The following AARS2 variants were observed in gnomAD, a reference collection of about 807,000 sequenced individuals.
The protein encoded by AARS2 is alanyl-tRNA synthetase 2, mitochondrial.
In AARS2, 78 loss-of-function variants were observed where a neutral mutation model predicts 119.7. That is an observed-to-expected ratio of 0.65 (90% confidence interval 0.54 to 0.79). AARS2 has a LOEUF of 0.79. Ranked by LOEUF, AARS2 falls within the 30% of genes least tolerant of loss-of-function variation. The pLI is 0.00. For missense variants in AARS2, 1,157 were observed against 1,291.3 expected (o/e 0.90, Z 1.59); for synonymous variants, 502 against 526.3 (o/e 0.95, Z 0.63).
In AARS2 at chr6:44,307,775, G is replaced by A; in HGVS notation, c.895-381C>T. On this transcript the variant is annotated intron_variant, in intron 5 of 21. Coordinates refer to ENST00000244571, the MANE Select transcript of AARS2 (RefSeq NM_020745.4). This position sits in a 1 kb window ranked among gnomAD's most constrained non-coding sequence, Gnocchi z 4.4. ...GACACAAGGCTACCCAGCTCTCAAG[G>A]AGCAGATCTGAGATCTCAGCCGGGC... 3.4e-6 allele frequency: 1 copy of A among 296,938 alleles called. No individual in the cohort carries two copies. Among genetic ancestry groups the A allele is most frequent in the Non-Finnish European group, 6.6e-6 (1 of 151,498 alleles). 18.4% of individuals were successfully genotyped at this position (296,938 alleles called of 1,614,324 possible). A position where few individuals can be genotyped will look rare whatever the true frequency, so the allele number is the denominator to read the frequency against.
At chr6:44,312,480 G>A (rs377537441) in intron 1 of AARS2, among the ~76,000 whole-genome samples, 9 of 152,252 alleles carry the variant, frequency 5.9e-5, no homozygotes, top group African/African-American at 1.7e-4. Flanking sequence ...ATCATGAACC[G>A]GAGACCCTCT....
chr6:44,308,251 C>G (rs146049631), intron 5 of AARS2, among the ~76,000 whole-genome samples: 1 of 152,132 alleles, frequency 6.6e-6, no homozygotes. Context: ...TAAAAGTGTA[C>G]ATCAGGCTGG....
rs1785165398 is a variant in AARS2 at position 44,299,231 on chromosome 6, G to GACCT, written c.*1312_*1315dup. Among the ~76,000 whole-genome samples, 1 of 149,014 alleles carries GACCT rather than the reference G, an allele frequency of 6.7e-6. No homozygotes were observed. Among genetic ancestry groups the GACCT allele is most frequent in the African/African-American group, 2.5e-5 (1 of 40,616 alleles). On this transcript the variant is annotated 3_prime_UTR_variant, in exon 22 of 22. Coordinates refer to ENST00000244571, the MANE Select transcript of AARS2 (RefSeq NM_020745.4). Reference sequence around the variant, plus strand: ...ATCCCCATTCTCTATTTCCCCCCCAGACCTCATCACCATCTGACACTTTCT... The same window carrying GACCT: ...ATCCCCATTCTCTATTTCCCCCCCAGACCTACCTCATCACCATCTGACACTTTCT...
chr6:44,306,517 C>T lies in AARS2; in HGVS notation c.1165G>A (p.Glu389Lys). ...VVETLGDAYP[E>K]LQRNSAQIAN... ...ACCTGGGCTGAGTTCCTTTGCAGTT[C>T]TGGATAAGCATCTCCCTGGGGGAGG... The change falls in exon 8 of 22, where the codon GAA becomes AAA. Residue 389 changes from glutamate to lysine, a missense_variant. Transcript: ENST00000244571. 6.2e-7 allele frequency: 1 copy of T among 1,614,148 alleles called. No homozygotes were observed.
chr6:44,303,432 G>T lies in AARS2; in HGVS notation c.2008-9C>A, dbSNP rs566987521. On this transcript the variant is annotated splice_polypyrimidine_tract_variant and intron_variant, in intron 14 of 21. Coordinates refer to ENST00000244571, the MANE Select transcript of AARS2 (RefSeq NM_020745.4). ...TCTGGGGTCAATGGGGTCTGGAGGGGTGGGGAGGAAATGGAAAGACCAACA... is the reference window on the plus strand; with the variant it reads ...TCTGGGGTCAATGGGGTCTGGAGGGTTGGGGAGGAAATGGAAAGACCAACA... 14 of 1,613,812 alleles carry T rather than the reference G, an allele frequency of 8.7e-6. No individual in the cohort carries two copies. In the South Asian group the frequency reaches 1.2e-4, roughly 14 times the overall value.
At position 44,302,148 on chromosome 6, in the gene AARS2, G is replaced by A. The variant is rs1583049805; in HGVS notation, c.2510C>T (p.Pro837Leu). 1.2e-6 allele frequency: 2 copies of A among 1,614,038 alleles called. No homozygotes were observed. Among genetic ancestry groups the A allele is most frequent in the Non-Finnish European group, 8.5e-7 (1 of 1,180,042 alleles). The change falls in exon 19 of 22, where the codon CCC becomes CTC. Residue 837 changes from proline to leucine, a missense_variant. By Grantham distance (98) the Pro-to-Leu change is moderately conservative. Transcript: ENST00000244571. ...CAGCAGCTCCCGCCGCTGCCACTGGGGCATCACAGCAGTTTCCACAGCCTA... is the reference window on the plus strand; with the variant it reads ...CAGCAGCTCCCGCCGCTGCCACTGGAGCATCACAGCAGTTTCCACAGCCTA... ...LIEAVETAVMPQWQRRELLAT... is the reference protein window; with the variant it reads ...LIEAVETAVMLQWQRRELLAT...
In AARS2 at chr6:44,312,099, A is replaced by C; in HGVS notation, c.408T>G (p.Asn136Lys). Residue 136 changes from asparagine to lysine, a missense_variant, in exon 2 of 22, where the codon AAT (asparagine) becomes AAG (lysine). By Grantham distance (94) the Asn-to-Lys change is moderately conservative (BLOSUM62 0). Transcript: ENST00000244571. ...SHHTFFEMLG[N>K]WAFGGEYFKE... ...TAAAATATTCACCCCCAAAGGCCCAATTGCCAAGCATTTCAAAGAAGGTAT... is the reference window on the plus strand; with the variant it reads ...TAAAATATTCACCCCCAAAGGCCCACTTGCCAAGCATTTCAAAGAAGGTAT... The C allele has an allele frequency of 1.2e-6, 2 of 1,614,206 alleles. No homozygotes were observed. The highest frequency in any genetic ancestry group is 1.7e-6 in the Non-Finnish European group (2 of 1,180,042).
At chr6:44,313,017 G>T in intron 1 of AARS2, 64 bp downstream of exon 1, 3 of 1,602,860 alleles carry the variant, frequency 1.9e-6, no homozygotes, top group Non-Finnish European at 2.5e-6. Flanking sequence ...GCCCAATCCT[G>T]CAGCGTCTTT....
intron 14 of AARS2, 119 bp from the exon 15 acceptor site, chr6:44,303,542 AG>A: frequency 4.1e-6 from 6 of 1,462,042 alleles, no homozygotes; most frequent in Non-Finnish European, 5.7e-6. Context: ...AATAGTGGCT[AG>A]CACATAATAG....
At chr6:44,302,736 A>G in intron 17 of AARS2, 66 bp downstream of exon 17, 1 of 1,525,838 alleles carries the variant, frequency 6.6e-7, no homozygotes, top group Non-Finnish European at 9.0e-7. Context: ...GAGCCTGAGC[A>G]TGTCACCTGC....
chr6:44,312,008 A>G, intron 2 of AARS2, 64 bp downstream of exon 2: 2 of 1,581,538 alleles, frequency 1.3e-6, no homozygotes, highest in Non-Finnish European at 1.7e-6. Context: ...CTAAGCAGAC[A>G]GTACAATGGA....
Position 44,306,345 on chromosome 6 carries a change from AG to A in AARS2, c.1234del (p.Leu412TrpfsTer12), listed in dbSNP as rs1203569583. The A allele has an allele frequency of 6.2e-7, 1 of 1,614,176 alleles. No homozygotes were observed. The highest frequency in any genetic ancestry group is 8.5e-7 in the Non-Finnish European group (1 of 1,180,012). ...ATCAATGATCCGCCTACCCCGCTCC[AG>A]GGAGGCCAGGAAGGCTGCCTCGTCC... is the stretch of plus-strand genomic sequence containing the variant. ...SEDEAAFLAS[L>X]ERGRRIIDRT... On this transcript the variant is annotated frameshift_variant, in exon 9 of 22. Coordinates refer to ENST00000244571, the MANE Select transcript of AARS2 (RefSeq NM_020745.4). LOFTEE classifies it high-confidence loss of function.
Position 44,300,603 on chromosome 6 carries a change from T to G in AARS2, c.2902A>C (p.Thr968Pro), listed in dbSNP as rs1429472642. 6.2e-7 allele frequency: 1 copy of G among 1,613,948 alleles called. No homozygotes were observed. The highest frequency in any genetic ancestry group is 2.2e-5 in the East Asian group (1 of 44,898). ...ATACTGAGGGCAGCTTCCAGGTCAGTAGTGCTTCCGGTGCCTTGGGCCACC... is the reference window on the plus strand; with the variant it reads ...ATACTGAGGGCAGCTTCCAGGTCAGGAGTGCTTCCGGTGCCTTGGGCCACC... Reference protein sequence around the residue: ...RVVAQGTGSTTDLEAALSIAQ... With the variant: ...RVVAQGTGSTPDLEAALSIAQ... The change falls in exon 22 of 22, where the codon ACT (threonine) becomes CCT (proline). Residue 968 changes from threonine (T) to proline (P), a missense_variant. By Grantham distance (38) the Thr-to-Pro change is conservative. Transcript: ENST00000244571.
Position 44,312,943 on chromosome 6 carries a change from C to G in AARS2, c.243+138G>C, listed in dbSNP as rs998779734. The G allele has an allele frequency of 1.2e-4, 158 of 1,372,714 alleles. 5 individuals carry two copies. In the South Asian group the frequency reaches 1.9e-3, roughly 17 times the overall value. The allele number at this position is 1,372,714 out of a possible 1,614,324, so 85.0% of individuals were successfully genotyped here. A position where few individuals can be genotyped will look rare whatever the true frequency, so the allele number is the denominator to read the frequency against. On this transcript the variant is annotated intron_variant, in intron 1 of 21. Transcript: ENST00000244571. ...TACTCTGAGCGCCGTACCCCCATCACTTTACCCAACCAAGCACCGCCCTCT... is the reference window on the plus strand; with the variant it reads ...TACTCTGAGCGCCGTACCCCCATCAGTTTACCCAACCAAGCACCGCCCTCT...
chr6:44,310,922 A>T, intron 4 of AARS2, 72 bp downstream of exon 4: 1 of 1,595,168 alleles, frequency 6.3e-7, no homozygotes. Flanking sequence ...TATGAAACAG[A>T]TCAAAGTCTT....
chr6:44,300,623 G>A lies in AARS2; in HGVS notation c.2882C>T (p.Ala961Val), dbSNP rs960553899. ...GGKAWGSRVVAQGTGSTTDLE... is the reference protein window; with the variant it reads ...GGKAWGSRVVVQGTGSTTDLE... ...GTCAGTAGTGCTTCCGGTGCCTTGG[G>A]CCACCACTCGTGAGCCCCACGCCTT... is the stretch of plus-strand genomic sequence containing the variant. Residue 961 changes from alanine to valine, a missense_variant, in exon 22 of 22, where the codon GCC becomes GTC. Ala to Val is a moderately conservative substitution (Grantham distance 64, BLOSUM62 0). Transcript: ENST00000244571. 18 of 1,613,834 alleles carry A rather than the reference G, an allele frequency of 1.1e-5. No homozygotes were observed. The highest frequency in any genetic ancestry group is 1.7e-5 in the Admixed American group (1 of 60,008).
rs41282672 is a variant in AARS2, at chr6:44,311,572, C to T, written c.436-37G>A. ...ACCAGCATGGGGTGGGGGGGGAAGACGGGTGAGAGGGAGACCCCACTGAAG... is the reference window on the plus strand; with the variant it reads ...ACCAGCATGGGGTGGGGGGGGAAGATGGGTGAGAGGGAGACCCCACTGAAG... On this transcript the variant is annotated intron_variant, in intron 2 of 21. Coordinates refer to ENST00000244571, the MANE Select transcript of AARS2 (RefSeq NM_020745.4). 0.25 allele frequency: 401,667 copies of T among 1,609,976 alleles called. 51,928 individuals carry two copies. The highest frequency in any genetic ancestry group is 0.4 in the African/African-American group (30,053 of 74,778).
intron 7 of AARS2, 87 bp from the exon 8 acceptor site, chr6:44,306,619 G>GAGTGACAAGGGTGTAGTAAAGGA: frequency 6.2e-6 from 9 of 1,462,428 alleles, no homozygotes; most frequent in Non-Finnish European, 8.6e-6. Flanking sequence ...GAGGACACCT[G>GAGTGACAAGGGTGTAGTAAAGGA]CCCTGGAGGC....
intron 7 of AARS2, 78 bp downstream of exon 7, chr6:44,306,845 G>T: frequency 7.3e-7 from 1 of 1,376,268 alleles, no homozygotes; most frequent in Non-Finnish European, 1.0e-6. Flanking sequence ...CCCAGGCTGG[G>T]GGCACTGTCT....
Sources: gnomAD v4.1 joint callset for allele counts (sites outside exome capture counted in the v4.1 genomes callset) on GRCh38, gnomAD v4.1.1 for gene constraint, Gnocchi (gnomAD v3.1) non-coding constraint, MANE v1.5 for transcripts, NCBI Gene and HGNC (gene_info 2026-07-23, HGNC 2026-07-21) for gene names.